BPIFB6: variants seen among roughly 807,000 people sequenced by gnomAD.
The protein encoded by BPIFB6 is BPI fold containing family B member 6, also known as BPI fold-containing family B member 6.
BPIFB6 carries 47 observed loss-of-function variants against 54.7 expected under a neutral mutation model. The ratio of observed to expected loss-of-function variants is 0.86; its 90% CI spans 0.68 to 1.10. BPIFB6 has a LOEUF of 1.10. BPIFB6 is among the 50% of genes least tolerant of loss of function. BPIFB6 has a pLI of 0.00. For missense variants in BPIFB6, 603 were observed against 564.1 expected, an observed-to-expected ratio of 1.07 and a Z score of -0.70; for synonymous variants, 255 against 225.9, an observed-to-expected ratio of 1.13 and a Z score of -1.16.
intron 2 of BPIFB6, 92 bp from the exon 3 acceptor site, chr20:33,034,094 C>G: frequency 1.1e-6 from 1 of 892,582 alleles, no homozygotes; most frequent in Non-Finnish European, 1.9e-6. Context: ...CCGGGGTTAT[C>G]GAAAGTCTTC....
In BPIFB6 at chr20:33,033,035, A is replaced by G; in HGVS notation, c.149A>G (p.Glu50Gly). ...ESHILEKMAA[E>G]AGKKQPGMKP... is the part of the protein sequence containing the mutation. ...CATATCCTGGAGAAGATGGCAGCCG[A>G]GGCAGGCAAGAAACAGCCAGGGATG... is the stretch of plus-strand genomic sequence containing the variant. Residue 50 changes from glutamate (E) to glycine (G), a missense_variant, in exon 2 of 15, where the codon GAG becomes GGG. Physicochemically the swap from Glu to Gly is moderately conservative, Grantham distance 98. Coordinates refer to ENST00000349552, the MANE Select transcript of BPIFB6 (RefSeq NM_174897.2). 1 of 1,614,134 alleles carries G rather than the reference A, an allele frequency of 6.2e-7. No homozygotes were observed. The highest frequency in any genetic ancestry group is 8.5e-7 in the Non-Finnish European group (1 of 1,179,974).
chr20:33,033,091 G>T lies in BPIFB6; in HGVS notation c.197+8G>T. 6.2e-7 allele frequency: 1 copy of T among 1,607,160 alleles called. No individual in the cohort carries two copies. The highest frequency in any genetic ancestry group is 8.5e-7 in the Non-Finnish European group (1 of 1,173,734). On this transcript the variant is annotated splice_region_variant and intron_variant, in intron 2 of 14. Coordinates refer to ENST00000349552, the MANE Select transcript of BPIFB6 (RefSeq NM_174897.2). Reference sequence around the variant, plus strand: ...TATCAAGGGCATCACCAAGTGAGTAGGGGAGGGGAGCTGGAGGGTGGTGGT... The same window carrying T: ...TATCAAGGGCATCACCAAGTGAGTATGGGAGGGGAGCTGGAGGGTGGTGGT...
In BPIFB6 at chr20:33,035,158, A is replaced by G. The variant is rs772739243; in HGVS notation, c.516+14A>G. 1 of 1,613,250 alleles carries G rather than the reference A, an allele frequency of 6.2e-7. No individual in the cohort carries two copies. Among genetic ancestry groups the G allele is most frequent in the Admixed American group, 1.7e-5 (1 of 59,996 alleles). On this transcript the variant is annotated intron_variant, in intron 5 of 14. Transcript: ENST00000349552. ...CTCCCTGGGCTGGTGAGTGACCCAG[A>G]GAAAGCCTCCACCCCTCGTTGCTGG...
chr20:33,035,971 T>C (rs1979325335), intron 6 of BPIFB6, among the ~76,000 whole-genome samples: 1 of 152,134 alleles, frequency 6.6e-6, no homozygotes, highest in Admixed American at 6.5e-5. Context: ...GTAATCCCGA[T>C]GGTAGTAATG....
intron 9 of BPIFB6, 139 bp downstream of exon 9, chr20:33,039,101 T>C (rs1250920707): frequency 1.0e-5 from 12 of 1,152,848 alleles, no homozygotes; most frequent in Non-Finnish European, 1.5e-5. Flanking sequence ...TTCTTCTTTA[T>C]AAAGTACTTT....
At chr20:33,042,994 G>T in intron 13 of BPIFB6, 116 bp downstream of exon 13, 2 of 909,322 alleles carry the variant, frequency 2.2e-6, no homozygotes, top group Admixed American at 2.3e-5. Flanking sequence ...GAAGCTAAAA[G>T]GGAGTGGAAG....
chr20:33,039,439 G>C lies in BPIFB6; in HGVS notation c.993G>C (p.Leu331=). ...TCACTATGAAGACAGGCAAGAGCCT[G>C]CTGCACCTCCACAGCACCCTGGAGA... The part of the protein sequence containing the change: ...PKVTMKTGKS[L]LHLHSTLEMF... Residue 331 remains leucine (L), a synonymous_variant, in exon 10 of 15, where the codon CTG becomes CTC. Coordinates refer to ENST00000349552, the MANE Select transcript of BPIFB6 (RefSeq NM_174897.2). 1 of 1,614,180 alleles carries C rather than the reference G, an allele frequency of 6.2e-7. No homozygotes were observed.
chr20:33,039,613 A>G, intron 10 of BPIFB6, 93 bp downstream of exon 10: 1 of 1,291,752 alleles, frequency 7.7e-7, no homozygotes, highest in Non-Finnish European at 1.1e-6. Flanking sequence ...CAAGTCATGG[A>G]TCAGAGGGAT....
chr20:33,034,941 G>T, intron 4 of BPIFB6, 29 bp downstream of exon 4: 2 of 1,605,694 alleles, frequency 1.2e-6, no homozygotes, highest in South Asian at 1.1e-5. Flanking sequence ...GGGGAGGAAG[G>T]CCGGTCCATA....
chr20:33,043,085 T>G (rs373220136), intron 13 of BPIFB6, among the ~76,000 whole-genome samples: 2 of 152,238 alleles, frequency 1.3e-5, no homozygotes, highest in African/African-American at 4.8e-5. Context: ...ATTTGGGCTC[T>G]GACTTTTGAC....
intron 12 of BPIFB6, 97 bp downstream of exon 12, chr20:33,042,112 G>A (rs1468478888): frequency 7.8e-7 from 1 of 1,274,634 alleles, no homozygotes; most frequent in Non-Finnish European, 1.1e-6. Flanking sequence ...AATGGAGGCA[G>A]ATGAACAGAG....
chr20:33,035,009 C>T, intron 4 of BPIFB6, 72 bp from the exon 5 acceptor site: 3 of 1,609,770 alleles, frequency 1.9e-6, no homozygotes, highest in Non-Finnish European at 2.5e-6. Flanking sequence ...AACCATGCCC[C>T]TTCATGTCCT....
In BPIFB6 at chr20:33,038,737, G is replaced by A. The variant is rs373995636; in HGVS notation, c.847-172G>A. Among the ~76,000 whole-genome samples, 202 of 152,318 alleles carry A rather than the reference G, an allele frequency of 1.3e-3. 1 individual carries two copies. The South Asian group carries it at 0.019, about 14-fold the overall frequency. Reference sequence around the variant, plus strand: ...CTAAGAGTTATGAGCATTGAAATGTGTAAGTCATCACCTGGGCTGCCCAGA... The same window carrying A: ...CTAAGAGTTATGAGCATTGAAATGTATAAGTCATCACCTGGGCTGCCCAGA... On this transcript the variant is annotated intron_variant, in intron 8 of 14. Transcript: ENST00000349552.
chr20:33,042,794 C>T (rs776251443), intron 12 of BPIFB6, 21 bp from the exon 13 acceptor site: 1 of 1,610,980 alleles, frequency 6.2e-7, no homozygotes, highest in Non-Finnish European at 8.5e-7. Flanking sequence ...AATGTGGATG[C>T]TTTCTCTTTC....
At chr20:33,033,167 G>A (rs760249683) in intron 2 of BPIFB6, 84 bp downstream of exon 2, 15 of 1,042,610 alleles carry the variant, frequency 1.4e-5, no homozygotes, top group Non-Finnish European at 2.1e-5. Context: ...AGCAGGCCAG[G>A]TAATGGAGCT....
chr20:33,040,939 C>G (rs1979553343), intron 11 of BPIFB6, among the ~76,000 whole-genome samples: 1 of 151,424 alleles, frequency 6.6e-6, no homozygotes, highest in South Asian at 2.1e-4. Flanking sequence ...GCTTAAGCCC[C>G]AAAGGGAATC....
In BPIFB6 at chr20:33,041,997, A is replaced by T. The variant is rs749349973; in HGVS notation, c.1170A>T (p.Ser390=). 1 of 1,613,986 alleles carries T rather than the reference A, an allele frequency of 6.2e-7. No homozygotes were observed. The highest frequency in any genetic ancestry group is 1.1e-5 in the South Asian group (1 of 91,066). Reference sequence around the variant, plus strand: ...TACTGAGCTTGTCCCGGAAGTCCTCATCGATTGGCAACTTCAATGTAAGTG... The same window carrying T: ...TACTGAGCTTGTCCCGGAAGTCCTCTTCGATTGGCAACTTCAATGTAAGTG... ...DRLLSLSRKS[S]SIGNFNEREL... Residue 390 remains serine, a synonymous_variant, in exon 12 of 15, where the codon TCA becomes TCT. Transcript: ENST00000349552.
Position 33,043,866 on chromosome 20 carries a change from C to G in BPIFB6, c.1330-149C>G, listed in dbSNP as rs558673783. The G allele has an allele frequency of 1.7e-4, 164 of 950,044 alleles. 1 individual carries two copies. The highest frequency in any genetic ancestry group is 2.7e-4 in the Non-Finnish European group (160 of 600,558). 58.9% of individuals were successfully genotyped at this position (950,044 alleles called of 1,614,324 possible). On this transcript the variant is annotated intron_variant, in intron 14 of 14. Coordinates refer to ENST00000349552, the MANE Select transcript of BPIFB6 (RefSeq NM_174897.2). ...ATTGAGGGTAAGAGAGGTGAAGTGA[C>G]CTCTCCAGGGTCACAAGGCAAGTCT... is the stretch of plus-strand genomic sequence containing the variant.
intron 10 of BPIFB6, 106 bp downstream of exon 10, chr20:33,039,626 G>A: frequency 1.6e-6 from 2 of 1,241,340 alleles, no homozygotes; most frequent in Non-Finnish European, 2.2e-6. Flanking sequence ...AGAGGGATCA[G>A]TTAATCTTGA....
Sources: gnomAD v4.1 joint callset for allele counts (sites outside exome capture counted in the v4.1 genomes callset) on GRCh38, gnomAD v4.1.1 for gene constraint, MANE v1.5 for transcripts, NCBI Gene and HGNC (gene_info 2026-07-23, HGNC 2026-07-21) for gene names.